EXT2: variants seen among roughly 807,000 people sequenced by gnomAD.
EXT2 encodes exostosin glycosyltransferase 2, also known as exostosin-2.
EXT2 carries 53 observed loss-of-function variants against 81.6 expected under a neutral mutation model. The ratio of observed to expected loss-of-function variants is 0.65; its 90% CI spans 0.52 to 0.82. The LOEUF (loss-of-function observed/expected upper bound fraction) is 0.82. EXT2 is among the 40% of genes least tolerant of loss of function. The pLI is 0.00. For missense variants in EXT2, 774 were observed against 910.2 expected, an observed-to-expected ratio of 0.85 and a Z score of 1.93; for synonymous variants, 320 against 340.0, an observed-to-expected ratio of 0.94 and a Z score of 0.65.
chr11:44,132,346 A>G (rs1457509134), intron 7 of EXT2, among the ~76,000 whole-genome samples: 1 of 152,232 alleles, frequency 6.6e-6, no homozygotes, highest in African/African-American at 2.4e-5. Context: ...GCTCAGAATC[A>G]TAGAACAGTT....
intron 1 of EXT2, among the ~76,000 whole-genome samples, chr11:44,106,763 G>A (rs1008073837): frequency 1.3e-5 from 2 of 152,202 alleles, no homozygotes; most frequent in African/African-American, 4.8e-5. Context: ...CCAACTAGCT[G>A]GGATTACAGG....
chr11:44,156,350 G>A (rs941498904), intron 7 of EXT2, among the ~76,000 whole-genome samples: 1 of 151,962 alleles, frequency 6.6e-6, no homozygotes, highest in African/African-American at 2.4e-5. Context: ...CTTCTTTAAG[G>A]CCAATAACTC....
chr11:44,204,034 C>A (rs1030243407), intron 9 of EXT2, among the ~76,000 whole-genome samples: 3 of 152,202 alleles, frequency 2.0e-5, no homozygotes, highest in African/African-American at 7.2e-5. Context: ...CTTGTTATTT[C>A]TTCTCAACTA....
chr11:44,136,763 G>T (rs1462949719), intron 7 of EXT2, among the ~76,000 whole-genome samples: 1 of 152,080 alleles, frequency 6.6e-6, no homozygotes, highest in Non-Finnish European at 1.5e-5. Context: ...CTCCAGTCCT[G>T]ACATGCCACT....
chr11:44,216,246 T>C (rs1052771576), intron 10 of EXT2, among the ~76,000 whole-genome samples: 2 of 152,214 alleles, frequency 1.3e-5, no homozygotes, highest in African/African-American at 2.4e-5. Flanking sequence ...CTAGGTCTGC[T>C]TGGATGCAGA....
chr11:44,169,364 G>A (rs1955039351), intron 7 of EXT2, among the ~76,000 whole-genome samples: 1 of 152,044 alleles, frequency 6.6e-6, no homozygotes, highest in African/African-American at 2.4e-5. Context: ...GTTAGTTTGA[G>A]ACGTAATATA....
chr11:44,227,383 G>A (rs2135249111), intron 10 of EXT2, among the ~76,000 whole-genome samples: 1 of 152,288 alleles, frequency 6.6e-6, no homozygotes, highest in South Asian at 2.1e-4. Context: ...TAGTTCCCTG[G>A]GAACAGGTCA....
chr11:44,203,267 C>T lies in EXT2; in HGVS notation c.1496-3526C>T, dbSNP rs117839205. On this transcript the variant is annotated intron_variant, in intron 9 of 13. Transcript: ENST00000533608. The stretch of plus-strand genomic sequence containing the variant: ...AAAATTTAATCTAAAGAATTATTAA[C>T]TAGTAACAGGATTTGCCTACTACAG... Among the ~76,000 whole-genome samples the T allele has an allele frequency of 5.0e-3, 764 of 152,264 alleles. 8 individuals are homozygous for T. Among genetic ancestry groups the T allele is most frequent in the East Asian group, 0.043 (220 of 5,176 alleles).
At chr11:44,098,221 G>A (rs115427901) in intron 1 of EXT2, among the ~76,000 whole-genome samples, 1,729 of 152,224 alleles carry the variant, frequency 0.011, 35 homozygotes, top group African/African-American at 0.039. Context: ...TTGTTTCCTC[G>A]GATGATGGTT....
chr11:44,138,082 T>A (rs1378920687), intron 7 of EXT2, among the ~76,000 whole-genome samples: 1 of 152,180 alleles, frequency 6.6e-6, no homozygotes, highest in Non-Finnish European at 1.5e-5. Context: ...ATCAGGGCAC[T>A]GACTTCCACC....
intron 8 of EXT2, among the ~76,000 whole-genome samples, chr11:44,174,097 A>G (rs535808982): frequency 6.6e-6 from 1 of 152,326 alleles, no homozygotes; most frequent in South Asian, 2.1e-4. Flanking sequence ...AATGCTGGGT[A>G]CTTGAACTTT....
intron 10 of EXT2, among the ~76,000 whole-genome samples, chr11:44,223,692 T>C (rs1357564860): frequency 6.7e-6 from 1 of 149,152 alleles, no homozygotes; most frequent in African/African-American, 2.5e-5. Flanking sequence ...CTCTGTCGCC[T>C]GGCGACAGAG....
At chr11:44,183,218 CA>C (rs1460591863) in intron 8 of EXT2, among the ~76,000 whole-genome samples, 1 of 152,136 alleles carries the variant, frequency 6.6e-6, no homozygotes, top group Non-Finnish European at 1.5e-5. Context: ...AATGTCATGC[CA>C]AGTTACTACT....
chr11:44,202,402 T>C (rs1369815580), intron 9 of EXT2, among the ~76,000 whole-genome samples: 1 of 152,256 alleles, frequency 6.6e-6, no homozygotes, highest in African/African-American at 2.4e-5. Flanking sequence ...CTAGTTTCTC[T>C]ACATAGTGGA....
At chr11:44,223,853 G>A (rs915006100) in intron 10 of EXT2, among the ~76,000 whole-genome samples, 3 of 152,014 alleles carry the variant, frequency 2.0e-5, no homozygotes, top group Admixed American at 6.6e-5. Flanking sequence ...GGGTTTCACC[G>A]TGTTACCCAG....
chr11:44,151,934 T>C (rs968982334), intron 7 of EXT2, among the ~76,000 whole-genome samples: 3 of 152,256 alleles, frequency 2.0e-5, no homozygotes, highest in African/African-American at 4.8e-5. Flanking sequence ...TTGTATCTTA[T>C]TGCTGTTTTA....
At chr11:44,113,983 G>C (rs1004863123) in intron 3 of EXT2, among the ~76,000 whole-genome samples, 3 of 152,066 alleles carry the variant, frequency 2.0e-5, no homozygotes, top group Admixed American at 6.6e-5. Flanking sequence ...TAGGACCCCG[G>C]GGGAAGGCTG....
intron 13 of EXT2, among the ~76,000 whole-genome samples, chr11:44,241,664 G>A (rs906388313): frequency 2.0e-5 from 3 of 152,180 alleles, no homozygotes; most frequent in African/African-American, 7.2e-5. Flanking sequence ...TTCTTCCCCA[G>A]ACACCTTCAT....
At chr11:44,181,135 G>A (rs905077249) in intron 8 of EXT2, among the ~76,000 whole-genome samples, 1 of 152,078 alleles carries the variant, frequency 6.6e-6, no homozygotes. Flanking sequence ...TGTTACACTT[G>A]TGATTAATAA....
Sources: allele counts gnomAD v4.1 joint callset (sites outside exome capture counted in the v4.1 genomes callset), GRCh38; gene constraint gnomAD v4.1.1; transcripts MANE v1.5; gene names NCBI Gene and HGNC (gene_info 2026-07-23, HGNC 2026-07-21).